The following TMEM178B variants were observed in gnomAD, a reference collection of about 807,000 sequenced individuals.
TMEM178B encodes transmembrane protein 178B.
Under a neutral mutation model 31.0 loss-of-function variants are expected in TMEM178B, and 5 were observed. The ratio of observed to expected loss-of-function variants is 0.16; its 90% confidence interval spans 0.08 to 0.34. The LOEUF is 0.34. Among genes scored for constraint, TMEM178B ranks in the 10% least tolerant of loss-of-function variants. The probability of loss-of-function intolerance (pLI) is 1.00; values close to 1 mark genes in which losing one functional copy is unlikely to be tolerated. For missense variants in TMEM178B, 275 were observed against 400.3 expected (o/e 0.69, Z 2.67); for synonymous variants, 164 against 164.0 (o/e 1.00, Z 0.00).
the TMEM178B span, among the ~76,000 whole-genome samples, chr7:141,511,077 GT>G: frequency 6.6e-6 from 1 of 151,944 alleles, no homozygotes; most frequent in African/African-American, 2.4e-5. Flanking sequence ...CAACGGAGAA[GT>G]TGCTTTAAAC....
rs1478588144 is a variant in TMEM178B, at chr7:141,344,576, CTTCCTTCCT to C, written c.497-93030_497-93022del. 2.6e-3 allele frequency among the ~76,000 whole-genome samples: 40 copies of C among 15,484 alleles called. No individual in the cohort carries two copies. Among genetic ancestry groups the C allele is most frequent in the African/African-American group, 6.9e-3 (37 of 5,346 alleles). 10.2% of individuals were successfully genotyped at this position (15,484 alleles called of 152,430 possible). ...CCCTCCCTCCATTCCTCCCTCCTCC[CTTCCTTCCT>C]TCCTTCCTTCCTTCCTTCCTTCCTT... On this transcript the variant is annotated intron_variant, in intron 2 of 3. Transcript: ENST00000565468. This position sits in a 1 kb window ranked among gnomAD's most constrained non-coding sequence, Gnocchi z 4.1.
chr7:141,247,480 T>G (rs1027896577), intron 2 of TMEM178B, among the ~76,000 whole-genome samples: 4 of 152,182 alleles, frequency 2.6e-5, no homozygotes, highest in African/African-American at 4.8e-5. Context: ...GATCACAGGT[T>G]CTGCTCGAGA....
At chr7:141,382,265 C>T (rs1291532438) in intron 2 of TMEM178B, among the ~76,000 whole-genome samples, 1 of 152,142 alleles carries the variant, frequency 6.6e-6, no homozygotes, top group African/African-American at 2.4e-5. Context: ...AATCATTAGG[C>T]ACTGTGTTTT....
At chr7:141,162,418 C>T (rs1289448915) in intron 1 of TMEM178B, among the ~76,000 whole-genome samples, 2 of 152,238 alleles carry the variant, frequency 1.3e-5, no homozygotes, top group African/African-American at 4.8e-5. Flanking sequence ...GGGCTGACAC[C>T]TGAACAATGT....
At chr7:141,333,870 A>C (rs1015919872) in intron 2 of TMEM178B, among the ~76,000 whole-genome samples, 1 of 152,216 alleles carries the variant, frequency 6.6e-6, no homozygotes, top group Admixed American at 6.5e-5. Context: ...TGCGGTTCAC[A>C]ATAGGGTTTG....
intron 2 of TMEM178B, among the ~76,000 whole-genome samples, chr7:141,285,409 C>T (rs530690462): frequency 7.2e-5 from 11 of 151,870 alleles, no homozygotes; most frequent in Admixed American, 1.3e-4. Context: ...CCACCTGCCT[C>T]GGCCTCCCAA....
intron 1 of TMEM178B, among the ~76,000 whole-genome samples, chr7:141,089,070 G>A (rs1271070075): frequency 2.6e-5 from 4 of 152,142 alleles, no homozygotes; most frequent in Admixed American, 6.5e-5. Flanking sequence ...TGGATAAAAA[G>A]GTGAGTAGGA....
At chr7:141,097,242 G>A (rs1170117605) in intron 1 of TMEM178B, among the ~76,000 whole-genome samples, 3 of 151,300 alleles carry the variant, frequency 2.0e-5, no homozygotes, top group Admixed American at 6.6e-5. Flanking sequence ...TGTGGCGGGC[G>A]CCTGTAGTCC....
At chr7:141,433,242 G>A (rs1470561222) in intron 2 of TMEM178B, among the ~76,000 whole-genome samples, 1 of 152,152 alleles carries the variant, frequency 6.6e-6, no homozygotes, top group African/African-American at 2.4e-5. Context: ...GGTGATGTAG[G>A]AATCTAGATC....
At chr7:141,291,149 T>C (rs1328544330) in intron 2 of TMEM178B, among the ~76,000 whole-genome samples, 3 of 152,156 alleles carry the variant, frequency 2.0e-5, no homozygotes, top group African/African-American at 7.2e-5. Context: ...TGTTGCTGGA[T>C]TCGGAGAATG....
At position 141,184,303 on chromosome 7, in the gene TMEM178B, A is replaced by G. The variant is rs191564420; in HGVS notation, c.383-28288A>G. ...TGCAGTTGCTTTATTGTCTTGGATC[A>G]GGTTTTAAGCCTGATTTTCAGTCCT... On this transcript the variant is annotated intron_variant, in intron 1 of 3. Transcript: ENST00000565468. Among the ~76,000 whole-genome samples the G allele has an allele frequency of 1.4e-3, 212 of 152,286 alleles. 1 individual carries two copies. The highest frequency in any genetic ancestry group is 7.9e-4 in the Non-Finnish European group (54 of 68,032).
chr7:141,198,952 C>T (rs747935579), intron 1 of TMEM178B, among the ~76,000 whole-genome samples: 2 of 152,204 alleles, frequency 1.3e-5, no homozygotes, highest in Non-Finnish European at 2.9e-5. Context: ...TTATTTACTA[C>T]ACACCAGATG....
At chr7:141,106,827 C>T (rs1795155031) in intron 1 of TMEM178B, among the ~76,000 whole-genome samples, 1 of 152,182 alleles carries the variant, frequency 6.6e-6, no homozygotes, top group Non-Finnish European at 1.5e-5. Context: ...TTATTGGGTG[C>T]TCATAGTGTG....
In TMEM178B at chr7:141,464,126, C is replaced by T. The variant is rs142718216; in HGVS notation, c.635-6410C>T. Among the ~76,000 whole-genome samples, 456 of 152,132 alleles carry T rather than the reference C, an allele frequency of 3.0e-3. 1 individual carries two copies. The highest frequency in any genetic ancestry group is 0.011 in the African/African-American group (439 of 41,492). On this transcript the variant is annotated intron_variant, in intron 3 of 3. Coordinates refer to ENST00000565468, the MANE Select transcript of TMEM178B (RefSeq NM_001195278.2). The stretch of plus-strand genomic sequence containing the variant: ...TAGTAAGTGTTGTCTGCGAGCATGC[C>T]GTCTTACCGCAGGCACAGAGCCCTA...
chr7:141,437,561 C>G (rs1266944576), intron 2 of TMEM178B, 47 bp from the exon 3 acceptor site: 17 of 1,531,844 alleles, frequency 1.1e-5, no homozygotes, highest in African/African-American at 2.7e-5. Context: ...CCCTGGCCCT[C>G]AGTCCCAGGC....
chr7:141,131,685 G>GT (rs375135586), intron 1 of TMEM178B, among the ~76,000 whole-genome samples: 2 of 152,136 alleles, frequency 1.3e-5, no homozygotes, highest in African/African-American at 2.4e-5. Context: ...CTCACAGTTT[G>GT]TTTGTCTACT....
intron 2 of TMEM178B, among the ~76,000 whole-genome samples, chr7:141,377,897 A>G (rs115093272): frequency 0.028 from 4,234 of 152,268 alleles, 178 homozygotes; most frequent in African/African-American, 0.096. Context: ...CTGTTAACAT[A>G]TTATATAACT....
At chr7:141,198,239 CTG>C (rs1004041827) in intron 1 of TMEM178B, among the ~76,000 whole-genome samples, 3 of 152,132 alleles carry the variant, frequency 2.0e-5, no homozygotes, top group Non-Finnish European at 4.4e-5. Context: ...TGAGCTCAGT[CTG>C]TAGGAAATGC....
At chr7:141,294,598 G>A (rs1269538242) in intron 2 of TMEM178B, among the ~76,000 whole-genome samples, 2 of 152,134 alleles carry the variant, frequency 1.3e-5, no homozygotes, top group Non-Finnish European at 2.9e-5. Flanking sequence ...TATACATGGG[G>A]AAAACAAGCT....
Sources: gnomAD v4.1 joint callset for allele counts (sites outside exome capture counted in the v4.1 genomes callset) on GRCh38, gnomAD v4.1.1 for gene constraint, Gnocchi (gnomAD v3.1) non-coding constraint, MANE v1.5 for transcripts, NCBI Gene and HGNC (gene_info 2026-07-23, HGNC 2026-07-21) for gene names.